Variants in WWOX observed in about 807,000 individuals in gnomAD.
The protein encoded by WWOX is WW domain containing oxidoreductase.
WWOX carries 69 observed loss-of-function variants against 46.2 expected under a neutral mutation model. The ratio of observed to expected loss-of-function variants is 1.49; its 90% CI spans 1.23 to 1.82. WWOX has a LOEUF of 1.82. Ranked by LOEUF, WWOX falls within the 40% of genes most tolerant of loss-of-function variation. The probability of loss-of-function intolerance (pLI) is 0.00; values close to 1 mark genes in which losing one functional copy is unlikely to be tolerated. For missense variants in WWOX, 919 were observed against 542.6 expected (o/e 1.69, Z -6.89); for synonymous variants, 359 against 202.6 (o/e 1.77, Z -6.56).
intron 7 of WWOX, among the ~76,000 whole-genome samples, chr16:78,431,159 GAAAC>G (rs900029659): frequency 2.4e-4 from 36 of 152,278 alleles, no homozygotes; most frequent in African/African-American, 7.0e-4. Context: ...CAAACGGAAA[GAAAC>G]AAACAGCTGG....
chr16:79,161,816 G>A (rs1432180367), intron 8 of WWOX, among the ~76,000 whole-genome samples: 2 of 152,362 alleles, frequency 1.3e-5, no homozygotes, highest in East Asian at 3.9e-4. Context: ...ACCTCACGTG[G>A]TTGAGATTTT....
chr16:78,768,641 T>A (rs1404900203), intron 8 of WWOX, among the ~76,000 whole-genome samples: 1 of 152,044 alleles, frequency 6.6e-6, no homozygotes, highest in East Asian at 1.9e-4. Context: ...TAAATAGATT[T>A]CCTTTATAAT....
chr16:78,537,403 T>A (rs1028661546), intron 8 of WWOX, among the ~76,000 whole-genome samples: 7 of 152,316 alleles, frequency 4.6e-5, no homozygotes, highest in African/African-American at 1.7e-4. Context: ...TTCTAAGCGG[T>A]GGAACTGATT....
At chr16:78,387,183 C>G (rs535051219) in intron 6 of WWOX, among the ~76,000 whole-genome samples, 72 of 152,300 alleles carry the variant, frequency 4.7e-4, no homozygotes, top group African/African-American at 1.7e-3. Flanking sequence ...AGAGAAGACA[C>G]TATTAAAGCA....
intron 8 of WWOX, among the ~76,000 whole-genome samples, chr16:78,670,356 C>G (rs953862624): frequency 9.2e-5 from 14 of 152,316 alleles, no homozygotes; most frequent in Admixed American, 2.0e-4. Context: ...CCCAGTGACC[C>G]TGGTTCATCC....
chr16:78,914,277 C>T (rs1450406119), intron 8 of WWOX, among the ~76,000 whole-genome samples: 3 of 152,004 alleles, frequency 2.0e-5, no homozygotes, highest in African/African-American at 4.8e-5. Flanking sequence ...ATTGCCTTCC[C>T]ATGAACTATT....
intron 8 of WWOX, among the ~76,000 whole-genome samples, chr16:79,064,129 G>A (rs1463421728): frequency 1.3e-5 from 2 of 152,204 alleles, no homozygotes; most frequent in African/African-American, 4.8e-5. Flanking sequence ...TCCTCTAGCT[G>A]ATAGAGAGTT....
rs531470849 is a variant in WWOX, at chr16:78,625,898, A to G, written c.1056+193146A>G. Among the ~76,000 whole-genome samples the G allele has an allele frequency of 2.2e-3, 332 of 149,656 alleles. 2 individuals carry two copies. The highest frequency in any genetic ancestry group is 3.6e-3 in the Non-Finnish European group (245 of 67,624). ...TTTTTAAGTAATGCAATTACTTAAA[A>G]CTTAAGTTTTTAAGTAAGTTTAAGT... On this transcript the variant is annotated intron_variant, in intron 8 of 8. Transcript: ENST00000566780.
At chr16:78,378,434 G>A (rs894298731) in intron 5 of WWOX, among the ~76,000 whole-genome samples, 4 of 152,134 alleles carry the variant, frequency 2.6e-5, no homozygotes, top group African/African-American at 9.7e-5. Context: ...GAAAGCAACT[G>A]TGTCCCCATG....
chr16:78,178,615 C>T (rs2035426359), intron 5 of WWOX, among the ~76,000 whole-genome samples: 1 of 152,146 alleles, frequency 6.6e-6, no homozygotes, highest in South Asian at 2.1e-4. Flanking sequence ...CCTGTAATCC[C>T]AGCACTTTGG....
At chr16:79,036,813 A>G (rs1231582602) in intron 8 of WWOX, among the ~76,000 whole-genome samples, 14 of 152,170 alleles carry the variant, frequency 9.2e-5, no homozygotes, top group African/African-American at 3.1e-4. Context: ...GAAGAGATGA[A>G]CTGTGCTGTA....
chr16:78,657,475 C>G (rs2047107935), intron 8 of WWOX, among the ~76,000 whole-genome samples: 1 of 152,162 alleles, frequency 6.6e-6, no homozygotes, highest in African/African-American at 2.4e-5. Flanking sequence ...TTCCCTGCCA[C>G]TACGATGCAT....
intron 8 of WWOX, chr16:78,896,802 C>G (rs868826977): frequency 1.3e-5 from 2 of 151,908 alleles, no homozygotes; most frequent in South Asian, 2.1e-4. Flanking sequence ...CATACATATA[C>G]ATATATTATT....
intron 8 of WWOX, among the ~76,000 whole-genome samples, chr16:78,988,819 G>A (rs1432032351): frequency 6.6e-6 from 1 of 152,180 alleles, no homozygotes; most frequent in African/African-American, 2.4e-5. Flanking sequence ...CTCAGCCGTG[G>A]CTTGTGTGCA....
chr16:78,989,445 C>T (rs2046841654), intron 8 of WWOX, among the ~76,000 whole-genome samples: 1 of 152,204 alleles, frequency 6.6e-6, no homozygotes, highest in Admixed American at 6.5e-5. Context: ...TCCAGGCATC[C>T]TGCCCATGCT....
At chr16:78,449,789 C>T (rs1004299305) in intron 8 of WWOX, among the ~76,000 whole-genome samples, 1 of 152,080 alleles carries the variant, frequency 6.6e-6, no homozygotes, top group African/African-American at 2.4e-5. Context: ...TTTCATGTTG[C>T]TTTAGTAGAA....
intron 8 of WWOX, among the ~76,000 whole-genome samples, chr16:78,516,446 C>T (rs564335921): frequency 1.3e-5 from 2 of 152,304 alleles, no homozygotes; most frequent in East Asian, 3.9e-4. Flanking sequence ...GATTTCTATT[C>T]ATTTTTAATT....
chr16:78,294,863 A>AAATG (rs1230019813), intron 5 of WWOX, among the ~76,000 whole-genome samples: 1 of 141,378 alleles, frequency 7.1e-6, no homozygotes, highest in Non-Finnish European at 1.6e-5. Flanking sequence ...CTAAATGAAC[A>AAATG]AATGAATGAA....
At chr16:79,106,071 G>A (rs1244639923) in intron 8 of WWOX, 1 of 152,176 alleles carries the variant, frequency 6.6e-6, no homozygotes, top group East Asian at 1.9e-4. Flanking sequence ...TCGAAGCCAA[G>A]TTCCTGGATC....
Sources: gnomAD v4.1 joint callset for allele counts (sites outside exome capture counted in the v4.1 genomes callset) on GRCh38, gnomAD v4.1.1 for gene constraint, MANE v1.5 for transcripts, NCBI Gene and HGNC (gene_info 2026-07-23, HGNC 2026-07-21) for gene names.